The following ERN1 variants were observed in gnomAD, a reference collection of about 807,000 sequenced individuals.
The protein encoded by ERN1 is endoplasmic reticulum to nucleus signaling 1.
A neutral mutation model predicts 113.1 loss-of-function variants in ERN1; 39 were observed. That is an observed-to-expected ratio of 0.34 (90% CI 0.27 to 0.45). The LOEUF is 0.45. ERN1 is among the 20% of genes least tolerant of loss of function. The probability of loss-of-function intolerance (pLI) is 1.00; values close to 1 mark genes in which losing one functional copy is unlikely to be tolerated. For missense variants in ERN1, 976 were observed against 1,274.8 expected, an observed-to-expected ratio of 0.77 and a Z score of 3.57; for synonymous variants, 507 against 515.9, an observed-to-expected ratio of 0.98 and a Z score of 0.23.
At chr17:64,086,637 CTTTTTTTTTTTTTTTT>C (rs773655917) in intron 2 of ERN1, among the ~76,000 whole-genome samples, 2 of 47,582 alleles carry the variant, frequency 4.2e-5, no homozygotes, top group Non-Finnish European at 7.3e-5. Context: ...CTTTTCTTTC[CTTTTTTTTTTTTTTTT>C]TTTTTTTTTT....
rs56201815 is a variant in ERN1, at chr17:64,064,056, G to A, written c.1017C>T (p.Asp339=). Residue 339 remains aspartate, a synonymous_variant, in exon 10 of 22, where the codon GAC becomes GAT. Transcript: ENST00000433197. ...KGECVITPST[D]VKFDPGLKSK... ...TTTTGAGTCCGGGATCAAACTTGAC[G>A]TCCGTGCTGGGCGTGATCACACACT... 1.3e-3 allele frequency: 2,099 copies of A among 1,613,860 alleles called. 6 individuals are homozygous for A. The highest frequency in any genetic ancestry group is 2.1e-3 in the South Asian group (192 of 91,050).
rs756184862 is a variant in ERN1 at position 64,052,801 on chromosome 17, G to A, written c.2232C>T (p.Ser744=). The change falls in exon 17 of 22, where the codon AGC becomes AGT. Residue 744 remains serine (S), a synonymous_variant. Coordinates refer to ENST00000433197, the MANE Select transcript of ERN1 (RefSeq NM_001433.5). The stretch of plus-strand genomic sequence containing the variant: ...TCACAGGGTTCTCCTTACAGTCTTC[G>A]CTCAGCATCTCTGGAGCGATCCAGC... ...TEGWIAPEML[S]EDCKENPTYT... is the part of the protein sequence containing the mutation. The A allele has an allele frequency of 2.8e-4, 454 of 1,613,792 alleles. No homozygotes were observed. The highest frequency in any genetic ancestry group is 3.5e-4 in the Non-Finnish European group (410 of 1,179,876).
intron 1 of ERN1, among the ~76,000 whole-genome samples, chr17:64,112,849 G>A (rs1914710912): frequency 6.6e-6 from 1 of 152,140 alleles, no homozygotes; most frequent in African/African-American, 2.4e-5. Flanking sequence ...TAATTGGAGT[G>A]GGCTACACAC....
At position 64,047,994 on chromosome 17, in the gene ERN1, G is replaced by A. The variant is rs766299852; in HGVS notation, c.2402-9C>T. Reference sequence around the variant, plus strand: ...ACGTGCAATGACGTCTTCTATAAAGGAGGAAAATAAGCAACTCATGACTAC... The same window carrying A: ...ACGTGCAATGACGTCTTCTATAAAGAAGGAAAATAAGCAACTCATGACTAC... On this transcript the variant is annotated splice_polypyrimidine_tract_variant and intron_variant, in intron 18 of 21. Transcript: ENST00000433197. The A allele has an allele frequency of 6.2e-7, 1 of 1,602,756 alleles. No homozygotes were observed. The highest frequency in any genetic ancestry group is 1.1e-5 in the South Asian group (1 of 89,592).
At chr17:64,053,513 G>T in intron 15 of ERN1, 142 bp from the exon 16 acceptor site, 1 of 484,356 alleles carries the variant, frequency 2.1e-6, no homozygotes, top group Non-Finnish European at 3.4e-6. Context: ...TTCCAGCAAG[G>T]AGCAAACCTC....
At position 64,068,225 on chromosome 17, in the gene ERN1, T is replaced by C; in HGVS notation, c.545A>G (p.Tyr182Cys). Residue 182 changes from tyrosine to cysteine, a missense_variant, in exon 7 of 22, where the codon TAT becomes TGT. Tyr to Cys is a radical substitution (Grantham distance 194). Around this residue, in one of 5 missense-constraint regions of ERN1, gnomAD observed 459 missense variants for 581.2 expected, o/e 0.79. Transcript: ENST00000433197. Reference sequence around the variant, plus strand: ...GTCGTCCTCAGGCAGTGAGGCCGCATAGTCAAAGTAGGTGGCATTCCACCG... The same window carrying C: ...GTCGTCCTCAGGCAGTGAGGCCGCACAGTCAAAGTAGGTGGCATTCCACCG... ...ELRWNATYFD[Y>C]AASLPEDDVD... 6.2e-7 allele frequency: 1 copy of C among 1,612,352 alleles called. No individual in the cohort carries two copies. The highest frequency in any genetic ancestry group is 8.5e-7 in the Non-Finnish European group (1 of 1,179,296).
intron 1 of ERN1, among the ~76,000 whole-genome samples, chr17:64,101,055 T>C (rs184934703): frequency 2.0e-4 from 30 of 152,150 alleles, no homozygotes; most frequent in African/African-American, 6.7e-4. Context: ...TTTCTGTCAC[T>C]TGCAGCCCAA....
chr17:64,112,382 A>AAG, intron 1 of ERN1, among the ~76,000 whole-genome samples: 1 of 147,966 alleles, frequency 6.8e-6, no homozygotes, highest in African/African-American at 2.6e-5. Context: ...AAAAAAAAAA[A>AAG]GAAGAAGAAG....
At chr17:64,108,763 T>C (rs1482316637) in intron 1 of ERN1, among the ~76,000 whole-genome samples, 1 of 152,228 alleles carries the variant, frequency 6.6e-6, no homozygotes, top group Non-Finnish European at 1.5e-5. Flanking sequence ...TGTGCACCAT[T>C]GGCCTTACAA....
At chr17:64,084,522 T>C (rs934897202) in intron 2 of ERN1, among the ~76,000 whole-genome samples, 4 of 117,950 alleles carry the variant, frequency 3.4e-5, no homozygotes, top group Non-Finnish European at 6.2e-5. Flanking sequence ...AATTTCCTCA[T>C]CAGTAAGGAA....
Position 64,044,652 on chromosome 17 carries a change from G to C in ERN1, c.2721+208C>G, listed in dbSNP as rs1365380486. 1.3e-5 allele frequency among the ~76,000 whole-genome samples: 2 copies of C among 152,220 alleles called. No individual in the cohort carries two copies. Among genetic ancestry groups the C allele is most frequent in the African/African-American group, 4.8e-5 (2 of 41,450 alleles). The stretch of plus-strand genomic sequence containing the variant: ...ATGGGCCGCAGAGCACTGCTTCCCG[G>C]AGCTTCACCTGCACCTACGTCCCTG... On this transcript the variant is annotated intron_variant, in intron 21 of 21. Coordinates refer to ENST00000433197, the MANE Select transcript of ERN1 (RefSeq NM_001433.5). This position sits in a 1 kb window ranked among gnomAD's most constrained non-coding sequence, Gnocchi z 4.1.
chr17:64,091,480 C>G (rs1301749637), intron 2 of ERN1, among the ~76,000 whole-genome samples: 1 of 152,172 alleles, frequency 6.6e-6, no homozygotes, highest in East Asian at 1.9e-4. Flanking sequence ...TAGAAATCCA[C>G]TAGGAAGCAA....
At chr17:64,073,270 G>C in intron 5 of ERN1, among the ~76,000 whole-genome samples, 1 of 150,882 alleles carries the variant, frequency 6.6e-6, no homozygotes, top group East Asian at 1.9e-4. Context: ...CCAGGTTCAA[G>C]CGATTCTCCT....
Position 64,098,185 on chromosome 17 carries a change from C to T in ERN1, c.111G>A (p.Thr37=), listed in dbSNP as rs374385951. The T allele has an allele frequency of 3.1e-5, 50 of 1,613,944 alleles. No individual in the cohort carries two copies. The African/African-American group carries it at 4.4e-4, about 14-fold the overall frequency. Residue 37 remains threonine (T), a synonymous_variant, in exon 2 of 22, where the codon ACG becomes ACA. Coordinates refer to ENST00000433197, the MANE Select transcript of ERN1 (RefSeq NM_001433.5). ...TLPETLLFVS[T]LDGSLHAVSK... is the part of the protein sequence containing the mutation. ...TGACAGCATGCAAACTTCCATCCAG[C>T]GTTGACACAAACAACAAGGTTTCAG...
At chr17:64,078,671 CCT>C (rs899372478) in intron 4 of ERN1, among the ~76,000 whole-genome samples, 4 of 151,834 alleles carry the variant, frequency 2.6e-5, no homozygotes, top group African/African-American at 9.7e-5. Context: ...TACTTTTATT[CCT>C]ATATGGATAT....
In ERN1 at chr17:64,054,175, C is replaced by A; in HGVS notation, c.1953+75G>T. 1 of 1,334,538 alleles carries A rather than the reference C, an allele frequency of 7.5e-7. No individual in the cohort carries two copies. Among genetic ancestry groups the A allele is most frequent in the Non-Finnish European group, 1.0e-6 (1 of 975,366 alleles). 82.7% of individuals were successfully genotyped at this position (1,334,538 alleles called of 1,614,324 possible). On this transcript the variant is annotated intron_variant, in intron 15 of 21. Transcript: ENST00000433197. The surrounding 1 kb of genome is among the most constrained non-coding windows in gnomAD (Gnocchi z 4.9). ...GGCTGGTCTCAAACTCCTGAGCTCA[C>A]GTGATCTGCTCACTTTGGCCTCCCA...
chr17:64,099,799 G>A (rs1231828565), intron 1 of ERN1, among the ~76,000 whole-genome samples: 1 of 152,030 alleles, frequency 6.6e-6, no homozygotes, highest in East Asian at 1.9e-4. Flanking sequence ...CCTTTTCTGT[G>A]GTGGAGACCC....
At chr17:64,093,035 C>T (rs1368247225) in intron 2 of ERN1, among the ~76,000 whole-genome samples, 2 of 152,010 alleles carry the variant, frequency 1.3e-5, no homozygotes, top group Admixed American at 6.6e-5. Context: ...TTCTCTATTA[C>T]GTATAATTTG....
At chr17:64,102,302 A>T (rs889198355) in intron 1 of ERN1, among the ~76,000 whole-genome samples, 2 of 152,126 alleles carry the variant, frequency 1.3e-5, no homozygotes, top group Middle Eastern at 3.2e-3. Flanking sequence ...AAAAACAACA[A>T]CAACACTAAT....
Sources: gnomAD v4.1 joint callset for allele counts (sites outside exome capture counted in the v4.1 genomes callset) on GRCh38, gnomAD v4.1.1 for gene constraint, gnomAD v4.1.1 regional missense constraint, Gnocchi (gnomAD v3.1) non-coding constraint, MANE v1.5 for transcripts, NCBI Gene and HGNC (gene_info 2026-07-23, HGNC 2026-07-21) for gene names.